Variants in TASP1 observed in about 807,000 individuals in gnomAD.
The protein encoded by TASP1 is threonine aspartase 1.
Under a neutral mutation model 56.6 loss-of-function variants are expected in TASP1, and 16 were observed. That is an observed-to-expected ratio of 0.28 (90% confidence interval 0.19 to 0.43). The LOEUF is 0.43. Ranked by LOEUF, TASP1 falls within the 20% of genes least tolerant of loss-of-function variation. The probability of loss-of-function intolerance (pLI) is 1.00; values close to 1 mark genes in which losing one functional copy is unlikely to be tolerated. For missense variants in TASP1, 393 were observed against 511.6 expected (o/e 0.77, Z 2.24); for synonymous variants, 179 against 184.2 (o/e 0.97, Z 0.23).
At chr20:13,193,249 CTA>C in the TASP1 span, among the ~76,000 whole-genome samples, 1 of 152,050 alleles carries the variant, frequency 6.6e-6, no homozygotes, top group South Asian at 2.1e-4. Context: ...GTTAATGTGA[CTA>C]TTATATCAAT....
the TASP1 span, among the ~76,000 whole-genome samples, chr20:13,172,081 A>G: frequency 6.6e-6 from 1 of 152,144 alleles, no homozygotes; most frequent in Non-Finnish European, 1.5e-5. Flanking sequence ...AAAAATGTAA[A>G]ACGACAAAGA....
chr20:13,393,197 G>A (rs2041360017), intron 13 of TASP1: 3 of 708,294 alleles, frequency 4.2e-6, no homozygotes, highest in South Asian at 2.8e-5. Flanking sequence ...AAGGATTCAT[G>A]ACCACAGTCC....
chr20:13,207,292 C>T, the TASP1 span, among the ~76,000 whole-genome samples: 2 of 152,328 alleles, frequency 1.3e-5, no homozygotes, highest in South Asian at 4.1e-4. Flanking sequence ...TATACAAAGT[C>T]TCTTAAGGCC....
At chr20:13,409,485 T>A (rs545243695) in intron 13 of TASP1, among the ~76,000 whole-genome samples, 4 of 152,164 alleles carry the variant, frequency 2.6e-5, no homozygotes, top group Non-Finnish European at 4.4e-5. Flanking sequence ...TGAAATGTCC[T>A]GTTTTATCTC....
chr20:13,502,607 C>G (rs913674204), intron 10 of TASP1, among the ~76,000 whole-genome samples: 2 of 151,912 alleles, frequency 1.3e-5, no homozygotes, highest in African/African-American at 4.8e-5. Flanking sequence ...TAGTGGTTAC[C>G]CATGGAGAAG....
the TASP1 span, among the ~76,000 whole-genome samples, chr20:13,127,975 G>A: frequency 3.9e-5 from 6 of 152,154 alleles, no homozygotes; most frequent in Non-Finnish European, 7.3e-5. Flanking sequence ...CTATTCACTC[G>A]TATGTGGCCT....
At chr20:13,261,043 C>CA in the TASP1 span, among the ~76,000 whole-genome samples, 9 of 149,520 alleles carry the variant, frequency 6.0e-5, no homozygotes, top group African/African-American at 1.2e-4. Context: ...TTCCAAAGAG[C>CA]AAAAAAAAAT....
At chr20:13,315,099 G>A in the TASP1 span, among the ~76,000 whole-genome samples, 3 of 151,078 alleles carry the variant, frequency 2.0e-5, no homozygotes, top group East Asian at 3.9e-4. Context: ...TGAAAACCAC[G>A]AAAGGCAGAA....
the TASP1 span, among the ~76,000 whole-genome samples, chr20:13,159,206 C>T: frequency 2.0e-5 from 3 of 152,298 alleles, no homozygotes; most frequent in Non-Finnish European, 4.4e-5. Context: ...GGAATCATAG[C>T]TTATGAAGGT....
chr20:13,297,064 A>G, the TASP1 span, among the ~76,000 whole-genome samples: 9 of 152,064 alleles, frequency 5.9e-5, no homozygotes, highest in Non-Finnish European at 1.3e-4. Context: ...TTTTGTCCTG[A>G]TCAATCAGTG....
intron 11 of TASP1, among the ~76,000 whole-genome samples, chr20:13,462,223 C>A (rs2044080501): frequency 6.6e-6 from 1 of 152,116 alleles, no homozygotes; most frequent in Non-Finnish European, 1.5e-5. Context: ...ATGAATCACT[C>A]AAGATTTTAA....
At chr20:13,437,848 T>C (rs773020601) in intron 11 of TASP1, among the ~76,000 whole-genome samples, 2 of 152,070 alleles carry the variant, frequency 1.3e-5, no homozygotes, top group Non-Finnish European at 2.9e-5. Context: ...CACTGCTCAA[T>C]GACATAAAAG....
the TASP1 span, among the ~76,000 whole-genome samples, chr20:13,133,283 C>T: frequency 6.6e-6 from 1 of 152,192 alleles, no homozygotes; most frequent in African/African-American, 2.4e-5. Context: ...GAGATTTCTG[C>T]ATGACATGCT....
chr20:13,406,057 G>A (rs891337030), intron 13 of TASP1, among the ~76,000 whole-genome samples: 1 of 152,162 alleles, frequency 6.6e-6, no homozygotes, highest in Admixed American at 6.5e-5. Context: ...TTCTGTGGAG[G>A]AACACTGCCT....
At chr20:13,206,722 A>G in the TASP1 span, among the ~76,000 whole-genome samples, 1 of 152,222 alleles carries the variant, frequency 6.6e-6, no homozygotes, top group South Asian at 2.1e-4. Context: ...GAAAGAGAGA[A>G]AGAATAGTGC....
At chr20:13,565,117 C>T (rs2046481004) in intron 7 of TASP1, among the ~76,000 whole-genome samples, 2 of 151,746 alleles carry the variant, frequency 1.3e-5, no homozygotes, top group African/African-American at 2.4e-5. Context: ...AACGATTTGA[C>T]GAGGGTACTA....
chr20:13,636,400 T>G (rs534970049), intron 1 of TASP1, among the ~76,000 whole-genome samples: 2 of 151,334 alleles, frequency 1.3e-5, no homozygotes, highest in African/African-American at 4.9e-5. Flanking sequence ...CCTCAAATGA[T>G]CCGCCTGCCT....
At chr20:13,207,023 T>A in the TASP1 span, among the ~76,000 whole-genome samples, 1 of 152,212 alleles carries the variant, frequency 6.6e-6, no homozygotes, top group African/African-American at 2.4e-5. Flanking sequence ...TTTGTGTCAG[T>A]AAATAGGAAC....
the TASP1 span, among the ~76,000 whole-genome samples, chr20:13,112,747 C>G: frequency 6.6e-6 from 1 of 152,196 alleles, no homozygotes; most frequent in South Asian, 2.1e-4. Flanking sequence ...AACAGGGCAT[C>G]TCTTTGACAA....
Sources: allele counts gnomAD v4.1 joint callset (sites outside exome capture counted in the v4.1 genomes callset), GRCh38; gene constraint gnomAD v4.1.1; transcripts MANE v1.5; gene names NCBI Gene and HGNC (gene_info 2026-07-23, HGNC 2026-07-21).